Variants in PRKCB observed in about 807,000 individuals in gnomAD.
PRKCB encodes the protein protein kinase C beta.
Under a neutral mutation model 81.5 loss-of-function variants are expected in PRKCB, and 13 were observed. The observed-to-expected ratio is 0.16, with a 90% CI of 0.10 to 0.25. PRKCB has a LOEUF of 0.25. Among genes scored for constraint, PRKCB ranks in the 10% least tolerant of loss-of-function variants. The pLI is 1.00. For synonymous variants in PRKCB, 335 were observed against 321.4 expected, an observed-to-expected ratio of 1.04 and a Z score of -0.45; for missense variants, 509 against 875.7, an observed-to-expected ratio of 0.58 and a Z score of 5.29.
At chr16:24,111,041 GCT>G (rs1427389215) in intron 7 of PRKCB, 1 of 152,138 alleles carries the variant, frequency 6.6e-6, no homozygotes, top group Non-Finnish European at 1.5e-5. Flanking sequence ...ACCCAAAATA[GCT>G]CTGTTTTCTT....
At chr16:23,975,991 C>G (rs187682931) in intron 2 of PRKCB, among the ~76,000 whole-genome samples, 1 of 152,138 alleles carries the variant, frequency 6.6e-6, no homozygotes, top group Non-Finnish European at 1.5e-5. Context: ...CTTGGCTCAG[C>G]TTTTCTCTGT....
intron 2 of PRKCB, among the ~76,000 whole-genome samples, chr16:23,911,900 C>T (rs1396653759): frequency 2.1e-5 from 3 of 140,616 alleles, no homozygotes; most frequent in East Asian, 2.2e-4. Flanking sequence ...GGCAGGATCT[C>T]GGCTCACTGC....
At position 24,220,219 on chromosome 16, in the gene PRKCB, A is replaced by G; in HGVS notation, c.*5403A>G. 7.2e-7 allele frequency: 1 copy of G among 1,396,294 alleles called. No individual in the cohort carries two copies. The highest frequency in any genetic ancestry group is 9.8e-7 in the Non-Finnish European group (1 of 1,018,858). 86.5% of individuals were successfully genotyped at this position (1,396,294 alleles called of 1,614,324 possible). A position where few individuals can be genotyped will look rare whatever the true frequency, so the allele number is the denominator to read the frequency against. On this transcript the variant is annotated 3_prime_UTR_variant, in exon 17 of 17. Coordinates refer to ENST00000643927, the MANE Select transcript of PRKCB (RefSeq NM_002738.7). The stretch of plus-strand genomic sequence containing the variant: ...CACGGTGCACATGCTGGCATTCAAC[A>G]TGTGGAAAGCTTGTCTTAGAGGGCT...
rs1181778796 is a variant in PRKCB at position 24,217,813 on chromosome 16, C to CT, written c.*3001dup. On this transcript the variant is annotated 3_prime_UTR_variant, in exon 17 of 17. Transcript: ENST00000643927. ...GTCTTCTAGCTCCAAATATACCTGC[C>CT]TTTTAGCTCACACACTGTCCTGGAG... The CT allele has an allele frequency of 2.0e-6, 2 of 985,320 alleles. No homozygotes were observed. The highest frequency in any genetic ancestry group is 2.4e-6 in the Non-Finnish European group (2 of 829,960). The allele number at this position is 985,320 out of a possible 1,614,324, so 61.0% of individuals were successfully genotyped here.
intron 4 of PRKCB, among the ~76,000 whole-genome samples, chr16:24,034,280 G>C (rs1965585381): frequency 6.6e-6 from 1 of 152,158 alleles, no homozygotes. Flanking sequence ...TTTGTAATAG[G>C]CCTGCTGCCT....
At chr16:23,929,608 A>G (rs1217299602) in intron 2 of PRKCB, among the ~76,000 whole-genome samples, 1 of 152,134 alleles carries the variant, frequency 6.6e-6, no homozygotes, top group African/African-American at 2.4e-5. Context: ...ACCTGTAACA[A>G]CACAGAGACG....
chr16:23,906,997 G>A (rs1963569902), intron 2 of PRKCB, among the ~76,000 whole-genome samples: 1 of 152,142 alleles, frequency 6.6e-6, no homozygotes, highest in Admixed American at 6.5e-5. Flanking sequence ...ACAGGGTTGG[G>A]GTGGGGGAAA....
At position 24,216,428 on chromosome 16, in the gene PRKCB, A is replaced by T; in HGVS notation, c.*1612A>T. 1 of 985,064 alleles carries T rather than the reference A, an allele frequency of 1.0e-6. No individual in the cohort carries two copies. The highest frequency in any genetic ancestry group is 1.2e-6 in the Non-Finnish European group (1 of 829,868). The allele number at this position is 985,064 out of a possible 1,614,324, so 61.0% of individuals were successfully genotyped here. A position where few individuals can be genotyped will look rare whatever the true frequency, so the allele number is the denominator to read the frequency against. ...TCTGAGAGGATTAAGGCAGCAGGTG[A>T]CTCCCCCTCCTCGCCTGCCGTGTCC... On this transcript the variant is annotated 3_prime_UTR_variant, in exon 17 of 17. Transcript: ENST00000643927.
At chr16:24,044,457 T>A (rs559877280) in intron 5 of PRKCB, among the ~76,000 whole-genome samples, 2 of 152,362 alleles carry the variant, frequency 1.3e-5, no homozygotes, top group South Asian at 4.1e-4. Flanking sequence ...TTTGTGAGAA[T>A]TCAAGCTGTA....
intron 2 of PRKCB, among the ~76,000 whole-genome samples, chr16:23,882,025 C>CTCTTTCTTTCTTTCTTTCTCTTTCTTT (rs1597226197): frequency 1.1e-3 from 20 of 18,354 alleles, no homozygotes; most frequent in South Asian, 5.5e-3. Flanking sequence ...TTTCTTTCTT[C>CTCTTTCTTTCTTTCTTTCTCTTTCTTT]CTTCCTTCCT....
chr16:23,917,371 C>A (rs1397321981), intron 2 of PRKCB, among the ~76,000 whole-genome samples: 4 of 152,230 alleles, frequency 2.6e-5, no homozygotes, highest in Non-Finnish European at 4.4e-5. Flanking sequence ...GCCACCACGC[C>A]CGGCCACCTC....
At chr16:23,978,506 G>T (rs1284674715) in intron 2 of PRKCB, among the ~76,000 whole-genome samples, 2 of 152,188 alleles carry the variant, frequency 1.3e-5, no homozygotes, top group African/African-American at 4.8e-5. Flanking sequence ...AAGCTCCTTT[G>T]CTTTAAGTTT....
At chr16:24,104,249 A>G (rs1281592650) in intron 7 of PRKCB, among the ~76,000 whole-genome samples, 2 of 152,210 alleles carry the variant, frequency 1.3e-5, no homozygotes, top group African/African-American at 2.4e-5. Flanking sequence ...ATATGGCAAT[A>G]TTATTAACCA....
At chr16:24,190,994 G>A (rs193069544) in intron 15 of PRKCB, 96 bp from the exon 16 acceptor site, 29 of 1,392,800 alleles carry the variant, frequency 2.1e-5, no homozygotes, top group Middle Eastern at 3.7e-4. Flanking sequence ...CTTCATTTGC[G>A]CTTTCTTTCC....
At chr16:23,882,018 C>CTT (rs1597226142) in intron 2 of PRKCB, among the ~76,000 whole-genome samples, 1 of 91,836 alleles carries the variant, frequency 1.1e-5, no homozygotes, top group Non-Finnish European at 2.2e-5. Flanking sequence ...TTCTTTCTTT[C>CTT]TTTCTTCCTT....
chr16:24,117,977 C>T (rs1287118945), intron 8 of PRKCB, among the ~76,000 whole-genome samples: 1 of 152,222 alleles, frequency 6.6e-6, no homozygotes, highest in East Asian at 1.9e-4. Context: ...TGTGCCCGCT[C>T]CTATAACCAG....
intron 2 of PRKCB, among the ~76,000 whole-genome samples, chr16:23,882,284 A>G (rs562140758): frequency 1.2e-4 from 18 of 151,010 alleles, no homozygotes; most frequent in African/African-American, 4.1e-4. Flanking sequence ...AGGTCTTGCT[A>G]TGTTGCCCAG....
At chr16:24,013,015 C>T (rs1965225561) in intron 3 of PRKCB, among the ~76,000 whole-genome samples, 1 of 152,220 alleles carries the variant, frequency 6.6e-6, no homozygotes, top group Non-Finnish European at 1.5e-5. Flanking sequence ...AGTGTCTGCA[C>T]CCATTCCAGA....
At chr16:24,107,700 G>A (rs1427462166) in intron 7 of PRKCB, among the ~76,000 whole-genome samples, 1 of 152,206 alleles carries the variant, frequency 6.6e-6, no homozygotes, top group Non-Finnish European at 1.5e-5. Flanking sequence ...ACACGCTGTG[G>A]CACCATGCCC....
Sources: allele counts gnomAD v4.1 joint callset (sites outside exome capture counted in the v4.1 genomes callset), GRCh38; gene constraint gnomAD v4.1.1; transcripts MANE v1.5; gene names NCBI Gene and HGNC (gene_info 2026-07-23, HGNC 2026-07-21).